The following ZDHHC2 variants were observed in gnomAD, a reference collection of about 807,000 sequenced individuals.
ZDHHC2 encodes zDHHC palmitoyltransferase 2, also known as palmitoyltransferase ZDHHC2.
Under a neutral mutation model 55.6 loss-of-function variants are expected in ZDHHC2, and 51 were observed. The ratio of observed to expected loss-of-function variants is 0.92; its 90% CI spans 0.73 to 1.16. ZDHHC2 has a LOEUF of 1.16. Among genes scored for constraint, ZDHHC2 ranks in the 50% most tolerant of loss-of-function variants. The pLI, the probability that ZDHHC2 is intolerant of heterozygous loss-of-function variation, is 0.00. For missense variants in ZDHHC2, 491 were observed against 442.4 expected (o/e 1.11, Z -0.99); for synonymous variants, 199 against 152.9 (o/e 1.30, Z -2.22).
intron 1 of ZDHHC2, among the ~76,000 whole-genome samples, chr8:17,160,207 C>T (rs192623374): frequency 9.6e-4 from 146 of 152,236 alleles, no homozygotes; most frequent in African/African-American, 3.2e-3. Flanking sequence ...TATTTCATAC[C>T]GTTTTCTTTA....
At chr8:17,207,908 G>A in intron 7 of ZDHHC2, 52 bp from the exon 8 acceptor site, 2 of 1,300,408 alleles carry the variant, frequency 1.5e-6, no homozygotes, top group African/African-American at 1.5e-5. Flanking sequence ...ATAAAAGTAG[G>A]GGAATACATA....
chr8:17,214,058 ATG>A (rs375467296), intron 10 of ZDHHC2, among the ~76,000 whole-genome samples: 43 of 152,316 alleles, frequency 2.8e-4, no homozygotes, highest in Non-Finnish European at 5.4e-4. Flanking sequence ...GAACTCAAAT[ATG>A]TGAAATTATT....
At chr8:17,216,421 A>G (rs1475425496) in intron 11 of ZDHHC2, among the ~76,000 whole-genome samples, 4 of 152,176 alleles carry the variant, frequency 2.6e-5, no homozygotes, top group East Asian at 1.9e-4. Context: ...TTATTTGACT[A>G]TTCATAATTT....
chr8:17,172,027 C>T (rs752347824), intron 1 of ZDHHC2, among the ~76,000 whole-genome samples: 8 of 151,870 alleles, frequency 5.3e-5, no homozygotes, highest in South Asian at 2.1e-4. Flanking sequence ...GCTACTGTGG[C>T]GAACTATATC....
At chr8:17,185,151 C>T (rs894205661) in intron 2 of ZDHHC2, among the ~76,000 whole-genome samples, 3 of 152,088 alleles carry the variant, frequency 2.0e-5, no homozygotes, top group Admixed American at 2.0e-4. Context: ...CATCTCACAC[C>T]GATTTAAGTG....
At chr8:17,207,907 G>A (rs1037685720) in intron 7 of ZDHHC2, 53 bp from the exon 8 acceptor site, 4 of 1,291,996 alleles carry the variant, frequency 3.1e-6, no homozygotes, top group African/African-American at 3.1e-5. Flanking sequence ...TATAAAAGTA[G>A]GGGAATACAT....
intron 1 of ZDHHC2, among the ~76,000 whole-genome samples, chr8:17,159,352 G>A (rs889905309): frequency 5.3e-5 from 8 of 152,120 alleles, no homozygotes; most frequent in African/African-American, 1.9e-4. Context: ...TGTGGGGGTC[G>A]AGGGCTGGGA....
At chr8:17,219,670 G>GTGGGAGGA (rs1043909603) in intron 12 of ZDHHC2, among the ~76,000 whole-genome samples, 1 of 152,146 alleles carries the variant, frequency 6.6e-6, no homozygotes, top group Non-Finnish European at 1.5e-5. Context: ...AGAGGCTGAG[G>GTGGGAGGA]TGGGAGGATG....
rs1476781830 is a variant in ZDHHC2 at position 17,199,524 on chromosome 8, T to TTCG, written c.476+1114_476+1116dup. 2.4e-3 allele frequency among the ~76,000 whole-genome samples: 94 copies of TTCG among 39,040 alleles called. 4 individuals are homozygous for TTCG. In the East Asian group the frequency reaches 0.047, roughly 19 times the overall value. The allele number at this position is 39,040 out of a possible 152,430, so 25.6% of individuals were successfully genotyped here. On this transcript the variant is annotated intron_variant, in intron 6 of 12. Coordinates refer to ENST00000262096, the MANE Select transcript of ZDHHC2 (RefSeq NM_016353.5). Reference sequence around the variant, plus strand: ...CTTCTTCTTCTTCTTCGTCTTCGTCTTCGTCTTCTGTCTTCGTCTTCTGTC... The same window carrying TTCG: ...CTTCTTCTTCTTCTTCGTCTTCGTCTTCGTCGTCTTCTGTCTTCGTCTTCTGTC...
chr8:17,179,284 C>A (rs907027009), intron 1 of ZDHHC2, among the ~76,000 whole-genome samples: 1 of 152,042 alleles, frequency 6.6e-6, no homozygotes, highest in African/African-American at 2.4e-5. Flanking sequence ...TGATCAGTGG[C>A]GGTGGAGGGG....
intron 1 of ZDHHC2, among the ~76,000 whole-genome samples, chr8:17,180,439 T>TCGG (rs1239471888): frequency 2.0e-5 from 3 of 152,248 alleles, no homozygotes; most frequent in Non-Finnish European, 4.4e-5. Context: ...CTATTTTTGT[T>TCGG]CAACATTTTG....
intron 10 of ZDHHC2, among the ~76,000 whole-genome samples, chr8:17,213,289 T>C (rs1404565930): frequency 6.6e-6 from 1 of 152,034 alleles, no homozygotes; most frequent in African/African-American, 2.4e-5. Context: ...AGTCTCATTC[T>C]ATCACCCCGT....
chr8:17,201,514 A>G (rs1294323581), intron 6 of ZDHHC2, among the ~76,000 whole-genome samples: 4 of 65,882 alleles, frequency 6.1e-5, no homozygotes, highest in Non-Finnish European at 8.1e-5. Context: ...TTTTTTTTAG[A>G]TGGAGTCTAG....
Position 17,156,814 on chromosome 8 carries a change from G to C in ZDHHC2, c.91G>C (p.Gly31Arg), listed in dbSNP as rs1804074425. 4 of 1,520,988 alleles carry C rather than the reference G, an allele frequency of 2.6e-6. No homozygotes were observed. The highest frequency in any genetic ancestry group is 2.6e-6 in the Non-Finnish European group (3 of 1,133,000). 94.2% of individuals were successfully genotyped at this position (1,520,988 alleles called of 1,614,324 possible). Reference sequence around the variant, plus strand: ...GGTGGTGTTCATCACCCTCCTGCTCGGCTGGTCCTACTACGCCTACGCCAT... The same window carrying C: ...GGTGGTGTTCATCACCCTCCTGCTCCGCTGGTCCTACTACGCCTACGCCAT... ...IPVVFITLLL[G>R]WSYYAYAIQL... Residue 31 changes from glycine (G) to arginine (R), a missense_variant, in exon 1 of 13, where the codon GGC becomes CGC. By Grantham distance (125) the Gly-to-Arg change is moderately radical (BLOSUM62 -2). Coordinates refer to ENST00000262096, the MANE Select transcript of ZDHHC2 (RefSeq NM_016353.5).
At chr8:17,193,013 C>T (rs1200978480) in intron 3 of ZDHHC2, among the ~76,000 whole-genome samples, 5 of 152,222 alleles carry the variant, frequency 3.3e-5, no homozygotes, top group East Asian at 1.9e-4. Context: ...TTACTGTGTA[C>T]GAATGCTAGT....
intron 5 of ZDHHC2, 53 bp downstream of exon 5, chr8:17,197,704 C>T (rs1275547980): frequency 2.7e-6 from 4 of 1,504,754 alleles, no homozygotes; most frequent in Non-Finnish European, 2.8e-6. Context: ...TCTTTTTCTT[C>T]ATTATGTTTC....
intron 12 of ZDHHC2, among the ~76,000 whole-genome samples, chr8:17,219,552 T>C (rs371998344): frequency 5.9e-5 from 9 of 151,766 alleles, no homozygotes; most frequent in East Asian, 5.8e-4. Context: ...AGCTAAGGAG[T>C]TGAAGACCAG....
At chr8:17,181,623 A>G (rs949386042) in intron 1 of ZDHHC2, among the ~76,000 whole-genome samples, 8 of 152,230 alleles carry the variant, frequency 5.3e-5, no homozygotes, top group Admixed American at 1.3e-4. Flanking sequence ...AATCAAACAA[A>G]TTGAAATTCT....
chr8:17,195,879 G>A (rs1290563838), intron 4 of ZDHHC2, among the ~76,000 whole-genome samples: 1 of 152,180 alleles, frequency 6.6e-6, no homozygotes, highest in Non-Finnish European at 1.5e-5. Context: ...TTATGACTCA[G>A]TGAAGATGTG....
Sources: gnomAD v4.1 joint callset for allele counts (sites outside exome capture counted in the v4.1 genomes callset) on GRCh38, gnomAD v4.1.1 for gene constraint, MANE v1.5 for transcripts, NCBI Gene and HGNC (gene_info 2026-07-23, HGNC 2026-07-21) for gene names.